The following CNBD1 variants were observed in gnomAD, a reference collection of about 807,000 sequenced individuals.
The protein encoded by CNBD1 is cyclic nucleotide binding domain containing 1.
In CNBD1, 71 loss-of-function variants were observed where a neutral mutation model predicts 54.4. That is an observed-to-expected ratio of 1.30 (90% CI 1.08 to 1.59). The LOEUF (loss-of-function observed/expected upper bound fraction) is 1.59. Ranked by LOEUF, CNBD1 falls within the 40% of genes most tolerant of loss-of-function variation. The pLI is 0.00. For synonymous variants in CNBD1, 182 were observed against 170.7 expected, an observed-to-expected ratio of 1.07 and a Z score of -0.51; for missense variants, 659 against 518.0, an observed-to-expected ratio of 1.27 and a Z score of -2.64.
At chr8:87,032,918 G>A (rs1809825606) in intron 4 of CNBD1, among the ~76,000 whole-genome samples, 1 of 152,122 alleles carries the variant, frequency 6.6e-6, no homozygotes, top group South Asian at 2.1e-4. Context: ...CTGGTGTGGT[G>A]TCTACTAGCT....
intron 4 of CNBD1, among the ~76,000 whole-genome samples, chr8:87,045,744 A>AAAAAAAAC (rs1554549758): frequency 4.8e-5 from 7 of 146,670 alleles, no homozygotes; most frequent in African/African-American, 1.3e-4. Context: ...AAAAAAAAAA[A>AAAAAAAAC]CAGTACACAT....
At chr8:87,419,918 G>C (rs2130991921) in intron 2 of CNBD1, among the ~76,000 whole-genome samples, 1 of 149,794 alleles carries the variant, frequency 6.7e-6, no homozygotes, top group South Asian at 2.1e-4. Flanking sequence ...TACAAAATAA[G>C]AAATTACTGG....
Position 87,425,967 on chromosome 8 carries a change from C to T in CNBD1, c.214-2579C>T, listed in dbSNP as rs544367036. ...CTCAGACTGCTGTGCTAGCAATCAG[C>T]GAGACTCAGTGGGGCAGGACCCTCT... On this transcript the variant is annotated intron_variant, in intron 2 of 7. Transcript: ENST00000521593. Among the ~76,000 whole-genome samples the T allele has an allele frequency of 2.5e-4, 38 of 152,298 alleles. No individual in the cohort carries two copies. The South Asian group carries it at 2.9e-3, about 12-fold the overall frequency.
chr8:86,906,262 G>C (rs555297699), intron 3 of CNBD1, among the ~76,000 whole-genome samples: 1 of 152,286 alleles, frequency 6.6e-6, no homozygotes, highest in African/African-American at 2.4e-5. Context: ...GAGAGACATA[G>C]ATCTATTTCA....
At chr8:86,942,412 G>C (rs986402705) in intron 4 of CNBD1, among the ~76,000 whole-genome samples, 2 of 152,202 alleles carry the variant, frequency 1.3e-5, no homozygotes, top group South Asian at 4.1e-4. Flanking sequence ...CCACTGGGCT[G>C]TGACCATTTC....
chr8:87,127,013 C>T lies in CNBD1; in HGVS notation c.432-78980C>T, dbSNP rs191472201. Among the ~76,000 whole-genome samples the T allele has an allele frequency of 6.3e-3, 954 of 151,702 alleles. 7 individuals are homozygous for T. The highest frequency in any genetic ancestry group is 0.024 in the South Asian group (113 of 4,792). ...AATAGATGAGTGAAACAAATAGTGA[C>T]GCAAACTCATCTATTCCCCTGTCTT... On this transcript the variant is annotated intron_variant, in intron 4 of 10. Transcript: ENST00000518476.
chr8:87,220,884 G>T (rs534758719), intron 5 of CNBD1, among the ~76,000 whole-genome samples: 2 of 152,018 alleles, frequency 1.3e-5, no homozygotes, highest in Admixed American at 6.6e-5. Flanking sequence ...GTCTACAAAT[G>T]ATCAGAAATA....
intron 4 of CNBD1, among the ~76,000 whole-genome samples, chr8:87,141,893 T>G (rs1001327114): frequency 2.0e-5 from 3 of 152,186 alleles, no homozygotes; most frequent in African/African-American, 7.2e-5. Context: ...GTTTTCAAAT[T>G]ATTCATTTGC....
At chr8:87,245,073 G>C (rs552832427) in intron 6 of CNBD1, among the ~76,000 whole-genome samples, 2 of 152,102 alleles carry the variant, frequency 1.3e-5, no homozygotes, top group South Asian at 4.1e-4. Context: ...ACATCTAATT[G>C]TCTCTCCGAT....
intron 2 of CNBD1, among the ~76,000 whole-genome samples, chr8:87,414,042 A>G (rs1271460232): frequency 6.6e-6 from 1 of 152,166 alleles, no homozygotes; most frequent in Non-Finnish European, 1.5e-5. Flanking sequence ...AAAGGATTAT[A>G]AATCATGATA....
At chr8:87,198,530 T>C (rs1813771094) in intron 4 of CNBD1, among the ~76,000 whole-genome samples, 1 of 152,186 alleles carries the variant, frequency 6.6e-6, no homozygotes, top group Non-Finnish European at 1.5e-5. Flanking sequence ...GACATTCAAA[T>C]GCTGAACTTA....
Position 87,418,723 on chromosome 8 carries a change from G to C in CNBD1, c.214-9823G>C, listed in dbSNP as rs572326395. Among the ~76,000 whole-genome samples the C allele has an allele frequency of 5.3e-5, 8 of 151,964 alleles. No individual in the cohort carries two copies. In the South Asian group the frequency reaches 1.7e-3, roughly 31 times the overall value. On this transcript the variant is annotated intron_variant, in intron 2 of 7. Coordinates refer to the CNBD1 transcript ENST00000521593. ...TGATTTAAATACAAATTTCTTCAAA[G>C]TGGGAGAAAAACAAGTCATAAAACA...
At position 87,420,634 on chromosome 8, in the gene CNBD1, G is replaced by A. The variant is rs956274234; in HGVS notation, c.214-7912G>A. 5.3e-5 allele frequency among the ~76,000 whole-genome samples: 8 copies of A among 152,058 alleles called. No individual in the cohort carries two copies. In the East Asian group the frequency reaches 1.6e-3, roughly 30 times the overall value. ...TTCAAATAAAATCTACCTACTTAAC[G>A]ACCACTCTCTTTCATGCTGCTATTA... is the stretch of plus-strand genomic sequence containing the variant. On this transcript the variant is annotated intron_variant, in intron 2 of 7. Coordinates refer to the CNBD1 transcript ENST00000521593.
intron 10 of CNBD1, among the ~76,000 whole-genome samples, chr8:87,369,595 T>C (rs1810717685): frequency 6.6e-6 from 1 of 152,008 alleles, no homozygotes; most frequent in South Asian, 2.1e-4. Context: ...TGGCTGATAG[T>C]CTTTTTCTTT....
chr8:87,397,920 G>T (rs1206611568), intron 2 of CNBD1, among the ~76,000 whole-genome samples: 2 of 151,878 alleles, frequency 1.3e-5, no homozygotes, highest in African/African-American at 4.8e-5. Context: ...CTCTCTCTTT[G>T]CCTGCTGCCA....
In CNBD1 at chr8:87,153,956, G is replaced by A. The variant is rs555798383; in HGVS notation, c.432-52037G>A. The stretch of plus-strand genomic sequence containing the variant: ...TTATATGGGAAGGCCAGAGAGACAA[G>A]TAGTGGCACGGAACTGAAGGAAGTT... On this transcript the variant is annotated intron_variant, in intron 4 of 10. Coordinates refer to ENST00000518476, the MANE Select transcript of CNBD1 (RefSeq NM_173538.3). Among the ~76,000 whole-genome samples, 4 of 152,242 alleles carry A rather than the reference G, an allele frequency of 2.6e-5. No homozygotes were observed. The South Asian group carries it at 8.3e-4, about 32-fold the overall frequency.
At chr8:87,183,113 T>G (rs749618935) in intron 4 of CNBD1, among the ~76,000 whole-genome samples, 1 of 152,118 alleles carries the variant, frequency 6.6e-6, no homozygotes, top group Non-Finnish European at 1.5e-5. Context: ...TAGTCTAACT[T>G]ACATGGCTAG....
At chr8:86,925,027 T>C (rs1370275194) in intron 3 of CNBD1, among the ~76,000 whole-genome samples, 5 of 152,200 alleles carry the variant, frequency 3.3e-5, no homozygotes, top group South Asian at 2.1e-4. Context: ...CGGGGAAATA[T>C]TGCTTACCTC....
intron 4 of CNBD1, among the ~76,000 whole-genome samples, chr8:87,030,102 T>C (rs1447194897): frequency 1.3e-5 from 2 of 152,222 alleles, no homozygotes; most frequent in Admixed American, 6.5e-5. Flanking sequence ...TTAGTAAAGA[T>C]AAACATTTCA....
Sources: gnomAD v4.1 joint callset for allele counts (sites outside exome capture counted in the v4.1 genomes callset) on GRCh38, gnomAD v4.1.1 for gene constraint, MANE v1.5 for transcripts, NCBI Gene and HGNC (gene_info 2026-07-23, HGNC 2026-07-21) for gene names.